LYST: variants seen among roughly 807,000 people sequenced by gnomAD.
The protein encoded by LYST is lysosomal-trafficking regulator.
LYST carries 192 observed loss-of-function variants against 413.6 expected under a neutral mutation model. That is an observed-to-expected ratio of 0.46 (90% confidence interval 0.41 to 0.52). The LOEUF (loss-of-function observed/expected upper bound fraction) is 0.52, where lower values mean the gene tolerates loss of function less well. Among genes scored for constraint, LYST ranks in the 20% least tolerant of loss-of-function variants. The pLI, the probability that LYST is intolerant of heterozygous loss-of-function variation, is 0.00. For missense variants in LYST, 3,815 were observed against 4,499.9 expected (o/e 0.85, Z 4.35); for synonymous variants, 1,525 against 1,567.3 (o/e 0.97, Z 0.64).
At chr1:235,858,667 AC>A (rs1254885120) in intron 1 of LYST, among the ~76,000 whole-genome samples, 4 of 152,070 alleles carry the variant, frequency 2.6e-5, no homozygotes. Context: ...CTATGGCTCA[AC>A]CCTTCAATTA....
chr1:235,717,418 A>G (rs765036798), intron 40 of LYST, among the ~76,000 whole-genome samples: 16 of 152,252 alleles, frequency 1.1e-4, no homozygotes, highest in African/African-American at 1.9e-4. Context: ...TGTGAACACC[A>G]CATGACACCA....
At position 235,741,609 on chromosome 1, in the gene LYST, C is replaced by A; in HGVS notation, c.8171G>T (p.Gly2724Val). 26 of 1,613,828 alleles carry A rather than the reference C, an allele frequency of 1.6e-5. No individual in the cohort carries two copies. Among genetic ancestry groups the A allele is most frequent in the Non-Finnish European group, 2.2e-5 (26 of 1,179,800 alleles). The change falls in exon 31 of 53, where the codon GGT (glycine) becomes GTT (valine). Residue 2724 changes from glycine (G) to valine (V), a missense_variant. Physicochemically the swap from Gly to Val is moderately radical, Grantham distance 109. Coordinates refer to ENST00000389793, the MANE Select transcript of LYST (RefSeq NM_000081.4). ...AATTTTAGTCCATTGCTGCTTGGAA[C>A]CACTGGCTTTACTTGAACCCTAAAA... ...KVSIGSSKAS[G>V]SKQQWTKILW...
rs893063485 is a variant in LYST, at chr1:235,751,946, A to T, written c.7627+59T>A. 39 of 1,179,680 alleles carry T rather than the reference A, an allele frequency of 3.3e-5. No individual in the cohort carries two copies. The Admixed American group carries it at 6.8e-4, about 20-fold the overall frequency. The allele number at this position is 1,179,680 out of a possible 1,614,324, so 73.1% of individuals were successfully genotyped here. ...TCTAAGAAGAAAGAGATTGTGCTCAAATAACAGGTTTGTCTGTTATACAAC... is the reference window on the plus strand; with the variant it reads ...TCTAAGAAGAAAGAGATTGTGCTCATATAACAGGTTTGTCTGTTATACAAC... On this transcript the variant is annotated intron_variant, in intron 27 of 52. Transcript: ENST00000389793.
At chr1:235,702,055 C>T (rs1480603522) in intron 45 of LYST, among the ~76,000 whole-genome samples, 8 of 151,952 alleles carry the variant, frequency 5.3e-5, no homozygotes, top group Non-Finnish European at 1.0e-4. Context: ...TCCTTTACAA[C>T]GTCTTTCCCT....
intron 1 of LYST, among the ~76,000 whole-genome samples, chr1:235,849,374 A>G (rs1325536014): frequency 6.6e-6 from 1 of 152,212 alleles, no homozygotes; most frequent in Non-Finnish European, 1.5e-5. Context: ...CCTTAATGTA[A>G]TAAAAGCCCT....
At chr1:235,835,063 G>A (rs905044667) in intron 1 of LYST, among the ~76,000 whole-genome samples, 2 of 150,352 alleles carry the variant, frequency 1.3e-5, no homozygotes, top group African/African-American at 2.5e-5. Context: ...GATTACAGGC[G>A]CCCACCATTA....
At chr1:235,682,691 C>T (rs1659918748) in intron 48 of LYST, among the ~76,000 whole-genome samples, 1 of 152,176 alleles carries the variant, frequency 6.6e-6, no homozygotes, top group African/African-American at 2.4e-5. Flanking sequence ...AAAACCAATA[C>T]ATCAGAAATT....
chr1:235,744,232 G>A (rs1665692275), intron 29 of LYST, 75 bp from the exon 30 acceptor site: 2 of 786,498 alleles, frequency 2.5e-6, no homozygotes, highest in South Asian at 1.5e-5. Context: ...AATAATACTG[G>A]TAAAAAATAT....
chr1:235,743,413 T>C (rs1244974796), intron 30 of LYST, among the ~76,000 whole-genome samples: 1 of 152,188 alleles, frequency 6.6e-6, no homozygotes, highest in Non-Finnish European at 1.5e-5. Context: ...TGACATGTCA[T>C]GATTTACGAG....
chr1:235,700,261 C>A (rs1003665060), intron 45 of LYST, among the ~76,000 whole-genome samples: 1 of 152,060 alleles, frequency 6.6e-6, no homozygotes, highest in Non-Finnish European at 1.5e-5. Flanking sequence ...AGCTTCTGCA[C>A]GTCAAAAGAG....
intron 3 of LYST, chr1:235,828,193 C>T: frequency 1.1e-6 from 1 of 940,168 alleles, no homozygotes. Flanking sequence ...CATTAAAAGA[C>T]ATTTCATGAC....
intron 37 of LYST, among the ~76,000 whole-genome samples, chr1:235,728,351 G>T (rs1664081182): frequency 6.6e-6 from 1 of 152,072 alleles, no homozygotes; most frequent in Non-Finnish European, 1.5e-5. Context: ...AAAAAAGGTT[G>T]CAGGGAGCTC....
rs1669798781 is a variant in LYST, at chr1:235,780,865, A to G, written c.5214T>C (p.Ile1738=). ...TKKDVDIGLL[I]ESLSVVYTTY... is the part of the protein sequence containing the mutation. ...TAAAATTTATAAAATTAAAACTTAC[A>G]ATTAAGAGACCAATATCCACATCTT... The change falls in exon 16 of 53, where the codon ATT becomes ATC. Residue 1738 remains isoleucine (I), a splice_region_variant and synonymous_variant. Coordinates refer to ENST00000389793, the MANE Select transcript of LYST (RefSeq NM_000081.4). 4 of 1,387,170 alleles carry G rather than the reference A, an allele frequency of 2.9e-6. No homozygotes were observed. The highest frequency in any genetic ancestry group is 4.0e-6 in the Non-Finnish European group (4 of 1,009,904). The allele number at this position is 1,387,170 out of a possible 1,614,324, so 85.9% of individuals were successfully genotyped here.
rs764952823 is a variant in LYST at position 235,734,519 on chromosome 1, T to C, written c.8499A>G (p.Ala2833=). 3 of 1,613,844 alleles carry C rather than the reference T, an allele frequency of 1.9e-6. No individual in the cohort carries two copies. Among genetic ancestry groups the C allele is most frequent in the Non-Finnish European group, 2.5e-6 (3 of 1,179,748 alleles). Residue 2833 remains alanine, a synonymous_variant, in exon 32 of 53, where the codon GCA becomes GCG. Transcript: ENST00000389793. The part of the protein sequence containing the change: ...LCGHKCIPPS[A]STKADLIKMI... The stretch of plus-strand genomic sequence containing the variant: ...TTTTAATAAGGTCTGCTTTTGTTGA[T>C]GCACTGGGAGGGATGCACTTGTGAC...
chr1:235,789,011 T>C (rs1214138210), intron 12 of LYST, among the ~76,000 whole-genome samples, 166 bp from the exon 13 acceptor site: 1 of 152,194 alleles, frequency 6.6e-6, no homozygotes, highest in East Asian at 1.9e-4. Flanking sequence ...AGAGTATAGA[T>C]GTTAACTCCA....
At chr1:235,684,777 C>T in intron 48 of LYST, among the ~76,000 whole-genome samples, 1 of 151,938 alleles carries the variant, frequency 6.6e-6, no homozygotes, top group Non-Finnish European at 1.5e-5. Context: ...CACCACCATG[C>T]CTGACCAATT....
rs550853083 is a variant in LYST at position 235,670,101 on chromosome 1, TATGCCCAGAC to T, written c.11039-5490_11039-5481del. Reference sequence around the variant, plus strand: ...TTAATTTGTAATTAGCAAACCTCTATATGCCCAGACATGCCCAGACTTGTTCTGTAAACTA... The same window carrying T: ...TTAATTTGTAATTAGCAAACCTCTATATGCCCAGACTTGTTCTGTAAACTA... On this transcript the variant is annotated intron_variant, in intron 50 of 52. Coordinates refer to ENST00000389793, the MANE Select transcript of LYST (RefSeq NM_000081.4). Among the ~76,000 whole-genome samples, 641 of 152,304 alleles carry T rather than the reference TATGCCCAGAC, an allele frequency of 4.2e-3. 6 individuals are homozygous for T. The highest frequency in any genetic ancestry group is 0.015 in the African/African-American group (621 of 41,566).
At chr1:235,698,121 G>GA (rs1661248626) in intron 45 of LYST, among the ~76,000 whole-genome samples, 1 of 152,028 alleles carries the variant, frequency 6.6e-6, no homozygotes, top group South Asian at 2.1e-4. Flanking sequence ...ATCCTCTACT[G>GA]AACTCTTCTT....
chr1:235,787,641 A>C (rs1158032033), intron 13 of LYST, among the ~76,000 whole-genome samples: 1 of 152,074 alleles, frequency 6.6e-6, no homozygotes. Flanking sequence ...TCAGTTTGTA[A>C]AAAAATATAT....
Sources: allele counts gnomAD v4.1 joint callset (sites outside exome capture counted in the v4.1 genomes callset), GRCh38; gene constraint gnomAD v4.1.1; transcripts MANE v1.5; gene names NCBI Gene and HGNC (gene_info 2026-07-23, HGNC 2026-07-21).